C2orf76: variants seen among roughly 807,000 people sequenced by gnomAD.
The protein encoded by C2orf76 is chromosome 2 open reading frame 76.
A neutral mutation model predicts 16.9 loss-of-function variants in C2orf76; 23 were observed. The ratio of observed to expected loss-of-function variants is 1.36; its 90% CI spans 0.98 to 1.93. The LOEUF is 1.93. C2orf76 is among the 30% of genes most tolerant of loss of function. The pLI is 0.00. For synonymous variants in C2orf76, 48 were observed against 52.3 expected (o/e 0.92, Z 0.35); for missense variants, 152 against 152.6 (o/e 1.00, Z 0.02).
intron 2 of C2orf76, among the ~76,000 whole-genome samples, chr2:119,334,348 G>C (rs1490005351): frequency 1.8e-5 from 2 of 108,314 alleles, no homozygotes; most frequent in African/African-American, 7.3e-5. Context: ...GAACTTTGTA[G>C]CACAAAGAGT....
the C2orf76 span, among the ~76,000 whole-genome samples, chr2:119,291,474 A>C: frequency 6.6e-6 from 1 of 151,854 alleles, no homozygotes; most frequent in African/African-American, 2.4e-5. Context: ...ATTGGGGAAA[A>C]TTGCAACCAG....
chr2:119,283,721 C>T, the C2orf76 span, among the ~76,000 whole-genome samples: 2 of 152,112 alleles, frequency 1.3e-5, no homozygotes, highest in African/African-American at 4.8e-5. Context: ...ATGATCCAAC[C>T]GCCTCAGCCT....
intron 3 of C2orf76, among the ~76,000 whole-genome samples, chr2:119,318,761 G>A (rs1679256620): frequency 1.3e-5 from 2 of 152,008 alleles, no homozygotes; most frequent in Non-Finnish European, 2.9e-5. Flanking sequence ...CCTGACCTCA[G>A]GTGATCTGCC....
At chr2:119,311,249 G>A (rs983621849) in intron 5 of C2orf76, 20 of 985,238 alleles carry the variant, frequency 2.0e-5, no homozygotes, top group African/African-American at 1.4e-4. Flanking sequence ...CCAACAATGC[G>A]TTTCATTATT....
rs77313798 is a variant in C2orf76, at chr2:119,338,448, G to C, written c.133+1379C>G. 5.3e-3 allele frequency among the ~76,000 whole-genome samples: 806 copies of C among 152,278 alleles called. 5 individuals carry two copies. The highest frequency in any genetic ancestry group is 0.019 in the African/African-American group (780 of 41,534). On this transcript the variant is annotated intron_variant, in intron 2 of 5. Transcript: ENST00000334816. Reference sequence around the variant, plus strand: ...ACAAGTTGTCACCCTGAGAGATTTAGAGTTCATTTCCTTTGTCTTGTCACT... The same window carrying C: ...ACAAGTTGTCACCCTGAGAGATTTACAGTTCATTTCCTTTGTCTTGTCACT...
chr2:119,346,876 G>A (rs958239565), intron 1 of C2orf76, among the ~76,000 whole-genome samples: 5 of 152,148 alleles, frequency 3.3e-5, no homozygotes, highest in African/African-American at 4.8e-5. Context: ...TTTCCCGGCT[G>A]TAAAATTGGA....
At chr2:119,285,035 A>G in the C2orf76 span, among the ~76,000 whole-genome samples, 1 of 152,166 alleles carries the variant, frequency 6.6e-6, no homozygotes, top group Non-Finnish European at 1.5e-5. Context: ...TCATCTACCA[A>G]AAAGCCCCCA....
chr2:119,354,598 A>G lies in C2orf76; in HGVS notation c.-13+12192T>C, dbSNP rs182514241. On this transcript the variant is annotated intron_variant, in intron 1 of 5. Coordinates refer to ENST00000334816, the MANE Select transcript of C2orf76 (RefSeq NM_001322331.2). Reference sequence around the variant, plus strand: ...TATGAGGGTTAAATAACATTTGAAAACTTCTTGGCATTTTTTTGTTGTTGT... The same window carrying G: ...TATGAGGGTTAAATAACATTTGAAAGCTTCTTGGCATTTTTTTGTTGTTGT... 7.2e-5 allele frequency among the ~76,000 whole-genome samples: 11 copies of G among 152,288 alleles called. No individual in the cohort carries two copies. In the East Asian group the frequency reaches 2.1e-3, roughly 29 times the overall value.
intron 4 of C2orf76, among the ~76,000 whole-genome samples, chr2:119,315,404 G>A (rs1260308630): frequency 3.3e-5 from 5 of 152,110 alleles, no homozygotes; most frequent in East Asian, 1.9e-4. Flanking sequence ...TTCAGCTGAC[G>A]AAGGAGATTA....
intron 5 of C2orf76, among the ~76,000 whole-genome samples, chr2:119,308,641 CAAAACA>C (rs771023085): frequency 3.3e-5 from 5 of 151,988 alleles, no homozygotes; most frequent in Non-Finnish European, 7.4e-5. Context: ...ACTCTGGTCT[CAAAACA>C]AAAACAAAAA....
chr2:119,346,923 G>A (rs1680222749), intron 1 of C2orf76, among the ~76,000 whole-genome samples: 1 of 152,180 alleles, frequency 6.6e-6, no homozygotes, highest in African/African-American at 2.4e-5. Flanking sequence ...GGGGGAAAGT[G>A]GATGAAGGGA....
intron 1 of C2orf76, among the ~76,000 whole-genome samples, chr2:119,347,869 T>A (rs1680253937): frequency 6.6e-6 from 1 of 151,970 alleles, no homozygotes; most frequent in African/African-American, 2.4e-5. Flanking sequence ...TTGAGTATAG[T>A]CGATTTTACA....
chr2:119,288,368 T>A, the C2orf76 span, among the ~76,000 whole-genome samples: 1 of 151,658 alleles, frequency 6.6e-6, no homozygotes, highest in African/African-American at 2.4e-5. Flanking sequence ...GTGGTCTCTA[T>A]CTCCTGACCT....
chr2:119,340,948 C>T (rs2104606692), intron 1 of C2orf76, among the ~76,000 whole-genome samples: 1 of 151,788 alleles, frequency 6.6e-6, no homozygotes, highest in East Asian at 1.9e-4. Flanking sequence ...ACTACCCTGT[C>T]AAATCTTAAC....
chr2:119,295,123 G>A, the C2orf76 span, among the ~76,000 whole-genome samples: 1 of 152,172 alleles, frequency 6.6e-6, no homozygotes, highest in Non-Finnish European at 1.5e-5. Flanking sequence ...TCCAGGAGGA[G>A]GTGGCTGAGA....
At chr2:119,334,379 C>CAAAAAAAAAA (rs34753333) in intron 2 of C2orf76, among the ~76,000 whole-genome samples, 1 of 71,626 alleles carries the variant, frequency 1.4e-5, no homozygotes, top group Non-Finnish European at 2.5e-5. Flanking sequence ...GTATGCAAAG[C>CAAAAAAAAAA]AAAAAAAAAA....
chr2:119,351,286 A>T (rs1490606016), intron 1 of C2orf76, among the ~76,000 whole-genome samples: 1 of 152,196 alleles, frequency 6.6e-6, no homozygotes, highest in Non-Finnish European at 1.5e-5. Flanking sequence ...TTTCTCCATA[A>T]GGCACATCAC....
In C2orf76 at chr2:119,302,447, C is replaced by G. The variant is rs756134116; in HGVS notation, c.*25G>C. Reference sequence around the variant, plus strand: ...GAATAAAGAGCTTAATACAGGTATGCAAAAAGGAAGCCCTCGAGATGTTTT... The same window carrying G: ...GAATAAAGAGCTTAATACAGGTATGGAAAAAGGAAGCCCTCGAGATGTTTT... On this transcript the variant is annotated 3_prime_UTR_variant, in exon 6 of 6. Coordinates refer to ENST00000334816, the MANE Select transcript of C2orf76 (RefSeq NM_001322331.2). The G allele has an allele frequency of 1.0e-6, 1 of 989,434 alleles. No homozygotes were observed. Among genetic ancestry groups the G allele is most frequent in the Non-Finnish European group, 1.5e-6 (1 of 653,466 alleles). 61.3% of individuals were successfully genotyped at this position (989,434 alleles called of 1,614,324 possible).
chr2:119,367,110 C>G (rs1034269379), upstream of C2orf76: 87 of 1,610,584 alleles, frequency 5.4e-5, no homozygotes, highest in Non-Finnish European at 6.8e-5. Flanking sequence ...GCGGGAGGCC[C>G]GTTGGGGGCT....
Sources: allele counts gnomAD v4.1 joint callset (sites outside exome capture counted in the v4.1 genomes callset), GRCh38; gene constraint gnomAD v4.1.1; transcripts MANE v1.5; gene names NCBI Gene and HGNC (gene_info 2026-07-23, HGNC 2026-07-21).